Variants in DIAPH2 observed in about 807,000 individuals in gnomAD.
DIAPH2 encodes protein diaphanous homolog 2.
DIAPH2 carries 35 observed loss-of-function variants against 92.7 expected under a neutral mutation model. The ratio of observed to expected loss-of-function variants is 0.38; its 90% CI spans 0.29 to 0.50. The LOEUF is 0.50. DIAPH2 is among the 20% of genes least tolerant of loss of function. The pLI is 0.94. For missense variants in DIAPH2, 701 were observed against 819.5 expected, an observed-to-expected ratio of 0.86 and a Z score of 1.77; for synonymous variants, 301 against 280.4, an observed-to-expected ratio of 1.07 and a Z score of -0.73.
chrX:97,527,430 C>T (rs1296241663), intron 26 of DIAPH2, among the ~76,000 whole-genome samples: 1 of 111,776 alleles, frequency 8.9e-6, no homozygotes, highest in Non-Finnish European at 1.9e-5. Flanking sequence ...TTTTCAAATA[C>T]AGGCAGTCCC....
At chrX:96,984,727 C>G (rs971651464) in intron 17 of DIAPH2, among the ~76,000 whole-genome samples, 1 of 111,066 alleles carries the variant, frequency 9.0e-6, no homozygotes, top group Non-Finnish European at 1.9e-5. Flanking sequence ...GGGTTCTGCA[C>G]GTTCCTTAGC....
At chrX:97,308,717 T>C (rs2068768182) in intron 23 of DIAPH2, among the ~76,000 whole-genome samples, 1 of 98,411 alleles carries the variant, frequency 1.0e-5, no homozygotes, top group African/African-American at 3.7e-5. Context: ...GCCTCCCGGG[T>C]TCACACCATT....
intron 22 of DIAPH2, among the ~76,000 whole-genome samples, chrX:97,198,265 T>TACACACACACACACACAC (rs200339851): frequency 4.3e-4 from 38 of 89,026 alleles, no homozygotes; most frequent in African/African-American, 1.6e-3. Flanking sequence ...AACAACAAAA[T>TACACACACACACACACAC]ACACACACAC....
intron 19 of DIAPH2, among the ~76,000 whole-genome samples, chrX:97,077,110 G>T (rs1285091078): frequency 9.0e-6 from 1 of 111,549 alleles, no homozygotes; most frequent in Non-Finnish European, 1.9e-5. Flanking sequence ...CCTAAGTGGC[G>T]AGTAACTTAC....
chrX:96,842,428 T>G (rs2064942906), intron 4 of DIAPH2, among the ~76,000 whole-genome samples: 1 of 111,829 alleles, frequency 8.9e-6, no homozygotes, highest in Non-Finnish European at 1.9e-5. Context: ...CCTTTATATT[T>G]GCAACTCCAG....
chrX:97,037,173 A>G (rs997886020), intron 17 of DIAPH2, among the ~76,000 whole-genome samples: 3 of 111,512 alleles, frequency 2.7e-5, no homozygotes, highest in Non-Finnish European at 3.8e-5. Flanking sequence ...GAGAGTAACA[A>G]AAGTTCCTTT....
intron 22 of DIAPH2, among the ~76,000 whole-genome samples, chrX:97,161,450 G>C (rs1028911307): frequency 3.6e-5 from 4 of 109,738 alleles, no homozygotes; most frequent in African/African-American, 1.3e-4. Context: ...ACCCAGGCTG[G>C]AGTGCAATGG....
intron 26 of DIAPH2, among the ~76,000 whole-genome samples, chrX:97,474,534 G>A (rs1873936870): frequency 9.0e-6 from 1 of 111,677 alleles, no homozygotes; most frequent in African/African-American, 3.3e-5. Flanking sequence ...GGAGGCCGAG[G>A]CGGGTAGATC....
chrX:97,044,382 C>A (rs1223551174), intron 17 of DIAPH2, among the ~76,000 whole-genome samples: 1 of 110,817 alleles, frequency 9.0e-6, no homozygotes, highest in African/African-American at 3.3e-5. Flanking sequence ...CCTCTAAATC[C>A]CCAAAGTACA....
At chrX:97,334,687 CA>C (rs1258707312) in intron 23 of DIAPH2, among the ~76,000 whole-genome samples, 18 of 95,793 alleles carry the variant, frequency 1.9e-4, no homozygotes, top group South Asian at 4.7e-4. Flanking sequence ...CAAAACAAAA[CA>C]AAAAAAAAAA....
chrX:97,112,079 C>G (rs902877718), intron 20 of DIAPH2, among the ~76,000 whole-genome samples: 4 of 111,766 alleles, frequency 3.6e-5, no homozygotes, highest in Admixed American at 1.9e-4. Context: ...ATAAAAATAT[C>G]AAATCCATGT....
chrX:97,313,140 G>A (rs1267928879), intron 23 of DIAPH2, among the ~76,000 whole-genome samples: 8 of 110,893 alleles, frequency 7.2e-5, no homozygotes, highest in East Asian at 2.8e-4. Flanking sequence ...ATCCGAGATC[G>A]CGCCACTGCA....
intron 17 of DIAPH2, among the ~76,000 whole-genome samples, chrX:96,973,310 C>A (rs2065938942): frequency 9.0e-6 from 1 of 111,564 alleles, no homozygotes; most frequent in Non-Finnish European, 1.9e-5. Flanking sequence ...CCAGCCTGGG[C>A]AACATAGTGA....
chrX:97,322,903 CTTT>C (rs1160046333), intron 23 of DIAPH2, among the ~76,000 whole-genome samples: 1 of 76,929 alleles, frequency 1.3e-5, no homozygotes, highest in Non-Finnish European at 2.5e-5. Context: ...TATCCCAGTT[CTTT>C]TTTTTTTTTT....
At chrX:96,973,770 A>G (rs1269631871) in intron 17 of DIAPH2, among the ~76,000 whole-genome samples, 2 of 93,391 alleles carry the variant, frequency 2.1e-5, no homozygotes, top group Admixed American at 1.4e-4. Flanking sequence ...ATCTCAGCTC[A>G]CCTCAACCTC....
chrX:97,111,525 A>C (rs1440607833), intron 20 of DIAPH2, among the ~76,000 whole-genome samples: 1 of 112,006 alleles, frequency 8.9e-6, no homozygotes, highest in Non-Finnish European at 1.9e-5. Context: ...CAGACTTCAA[A>C]CTTTGGAGCC....
At chrX:97,125,471 C>CA (rs1159049051) in intron 21 of DIAPH2, among the ~76,000 whole-genome samples, 1,042 of 19,097 alleles carry the variant, frequency 0.055, 132 homozygotes, top group Non-Finnish European at 0.12. Context: ...GACTCCGTCT[C>CA]AAAAAAAAAA....
chrX:97,295,535 C>G (rs1422215368), intron 23 of DIAPH2, among the ~76,000 whole-genome samples: 1 of 111,059 alleles, frequency 9.0e-6, no homozygotes, highest in Non-Finnish European at 1.9e-5. Context: ...TCAGAACTAT[C>G]CTATGAGTTA....
At position 96,779,136 on chromosome X, in the gene DIAPH2, T is replaced by C. The variant is rs140995985; in HGVS notation, c.447+20878T>C. ...TTTTTCTAATTCATTGTTACTTCTG[T>C]ATTTATCATCTGGTATTCTTCTGTA... On this transcript the variant is annotated intron_variant, in intron 4 of 26. Coordinates refer to ENST00000324765, the MANE Select transcript of DIAPH2 (RefSeq NM_006729.5). 7.9e-3 allele frequency among the ~76,000 whole-genome samples: 891 copies of C among 112,213 alleles called. 9 individuals carry two copies. Among genetic ancestry groups the C allele is most frequent in the African/African-American group, 0.027 (839 of 30,969 alleles).
Sources: gnomAD v4.1 joint callset for allele counts (sites outside exome capture counted in the v4.1 genomes callset) on GRCh38, gnomAD v4.1.1 for gene constraint, MANE v1.5 for transcripts, NCBI Gene and HGNC (gene_info 2026-07-23, HGNC 2026-07-21) for gene names.